AP3S1: variants seen among roughly 807,000 people sequenced by gnomAD.
The protein encoded by AP3S1 is AP-3 complex subunit sigma-1.
AP3S1 carries 12 observed loss-of-function variants against 21.3 expected under a neutral mutation model. That is an observed-to-expected ratio of 0.56 (90% CI 0.36 to 0.91). The LOEUF (loss-of-function observed/expected upper bound fraction) is 0.91, where lower values mean the gene tolerates loss of function less well. Among genes scored for constraint, AP3S1 ranks in the 40% least tolerant of loss-of-function variants. AP3S1 has a pLI of 0.01. For missense variants in AP3S1, 116 were observed against 225.0 expected, an observed-to-expected ratio of 0.52 and a Z score of 3.10; for synonymous variants, 48 against 78.4, an observed-to-expected ratio of 0.61 and a Z score of 2.05.
At chr5:115,877,649 T>G (rs1580682804) in intron 3 of AP3S1, among the ~76,000 whole-genome samples, 1 of 152,218 alleles carries the variant, frequency 6.6e-6, no homozygotes, top group Non-Finnish European at 1.5e-5. Flanking sequence ...TGAACGGTGC[T>G]GCAGTAAACA....
intron 3 of AP3S1, among the ~76,000 whole-genome samples, chr5:115,893,785 T>C (rs1750522504): frequency 6.6e-6 from 1 of 152,226 alleles, no homozygotes; most frequent in South Asian, 2.1e-4. Flanking sequence ...TTTATAGCTG[T>C]TGTTCCAGGC....
intron 3 of AP3S1, among the ~76,000 whole-genome samples, chr5:115,871,195 A>G (rs893400681): frequency 2.0e-5 from 3 of 152,224 alleles, no homozygotes; most frequent in African/African-American, 7.2e-5. Flanking sequence ...GCATGCTTAA[A>G]AAGATAGCCC....
intron 3 of AP3S1, among the ~76,000 whole-genome samples, chr5:115,891,628 G>A (rs1302070870): frequency 1.3e-5 from 2 of 152,174 alleles, no homozygotes; most frequent in African/African-American, 4.8e-5. Context: ...TACTAGGGCA[G>A]TGTGGAAGGG....
At chr5:115,869,197 C>T (rs1355994148) in intron 2 of AP3S1, among the ~76,000 whole-genome samples, 1 of 152,020 alleles carries the variant, frequency 6.6e-6, no homozygotes, top group Non-Finnish European at 1.5e-5. Flanking sequence ...AAATTCCAGT[C>T]ATTATAAATA....
intron 1 of AP3S1, among the ~76,000 whole-genome samples, chr5:115,865,233 C>G (rs558343765): frequency 9.9e-5 from 15 of 152,142 alleles, no homozygotes; most frequent in African/African-American, 3.6e-4. Flanking sequence ...TCTGTTTCCA[C>G]TCAGTGAATA....
At chr5:115,909,744 C>T (rs1648429405) in intron 5 of AP3S1, among the ~76,000 whole-genome samples, 1 of 152,066 alleles carries the variant, frequency 6.6e-6, no homozygotes, top group Non-Finnish European at 1.5e-5. Context: ...AAATATCTTA[C>T]TTTTACGTTT....
At chr5:115,879,598 G>A (rs1379291601) in intron 3 of AP3S1, among the ~76,000 whole-genome samples, 1 of 152,148 alleles carries the variant, frequency 6.6e-6, no homozygotes, top group Non-Finnish European at 1.5e-5. Context: ...GATTCGGTTT[G>A]CCAGGATTTT....
intron 4 of AP3S1, chr5:115,898,507 T>C (rs1477011853): frequency 6.6e-6 from 1 of 152,184 alleles, no homozygotes; most frequent in East Asian, 1.9e-4. Flanking sequence ...TAGGAAAAGA[T>C]TTATTACTCA....
intron 3 of AP3S1, among the ~76,000 whole-genome samples, chr5:115,881,695 T>A (rs924711017): frequency 1.4e-4 from 21 of 152,168 alleles, no homozygotes; most frequent in African/African-American, 5.1e-4. Flanking sequence ...GTTGCTTTTC[T>A]CGAGGAGTAA....
At chr5:115,882,063 T>G (rs1232364415) in intron 3 of AP3S1, among the ~76,000 whole-genome samples, 1 of 151,920 alleles carries the variant, frequency 6.6e-6, no homozygotes, top group East Asian at 1.9e-4. Flanking sequence ...TCATTTATGT[T>G]CCTCTCTAAA....
intron 5 of AP3S1, among the ~76,000 whole-genome samples, chr5:115,905,579 G>A (rs1325272265): frequency 2.0e-5 from 3 of 152,112 alleles, no homozygotes; most frequent in Admixed American, 6.5e-5. Context: ...TCAAAGTGAG[G>A]CCATTTAGCC....
At chr5:115,896,809 A>G (rs1163470651) in intron 4 of AP3S1, among the ~76,000 whole-genome samples, 1 of 152,184 alleles carries the variant, frequency 6.6e-6, no homozygotes, top group African/African-American at 2.4e-5. Flanking sequence ...GTTTTGGTAC[A>G]TGATTAAAAT....
At chr5:115,891,556 C>T (rs542927404) in intron 3 of AP3S1, among the ~76,000 whole-genome samples, 22 of 152,230 alleles carry the variant, frequency 1.4e-4, no homozygotes, top group African/African-American at 5.3e-4. Context: ...AACACATTTA[C>T]CCACTTATTA....
intron 1 of AP3S1, among the ~76,000 whole-genome samples, chr5:115,858,201 C>T (rs906768795): frequency 6.6e-6 from 1 of 152,142 alleles, no homozygotes; most frequent in African/African-American, 2.4e-5. Context: ...TAATACCCTC[C>T]AGCAATTTCT....
At chr5:115,859,181 G>GC (rs1762995593) in intron 1 of AP3S1, among the ~76,000 whole-genome samples, 1 of 152,198 alleles carries the variant, frequency 6.6e-6, no homozygotes, top group Admixed American at 6.5e-5. Context: ...AGGTAATCAA[G>GC]CTAGGCAGTT....
intron 4 of AP3S1, among the ~76,000 whole-genome samples, chr5:115,897,954 A>C (rs1352781063): frequency 6.6e-6 from 1 of 152,160 alleles, no homozygotes; most frequent in African/African-American, 2.4e-5. Context: ...TGAAAAGAGA[A>C]AGTTGTAGAG....
intron 3 of AP3S1, among the ~76,000 whole-genome samples, chr5:115,889,125 T>G (rs1296426449): frequency 6.6e-6 from 1 of 152,068 alleles, no homozygotes; most frequent in African/African-American, 2.4e-5. Flanking sequence ...TATCACGAAC[T>G]TTTTTTTCTT....
At chr5:115,859,731 T>C (rs1447903304) in intron 1 of AP3S1, among the ~76,000 whole-genome samples, 1 of 152,198 alleles carries the variant, frequency 6.6e-6, no homozygotes, top group Non-Finnish European at 1.5e-5. Context: ...TTTTCTGTCA[T>C]AGTTGGTATC....
At chr5:115,871,926 G>A (rs1260178580) in intron 3 of AP3S1, among the ~76,000 whole-genome samples, 1 of 152,144 alleles carries the variant, frequency 6.6e-6, no homozygotes, top group Non-Finnish European at 1.5e-5. Context: ...GGCATGGTTT[G>A]AGCTCTAGTT....
Sources: allele counts gnomAD v4.1 joint callset (sites outside exome capture counted in the v4.1 genomes callset), GRCh38; gene constraint gnomAD v4.1.1; transcripts MANE v1.5; gene names NCBI Gene and HGNC (gene_info 2026-07-23, HGNC 2026-07-21).